FREM1: variants seen among roughly 807,000 people sequenced by gnomAD.
The protein encoded by FREM1 is FRAS1-related extracellular matrix protein 1.
In FREM1, 220 loss-of-function variants were observed where a neutral mutation model predicts 210.1. That is an observed-to-expected ratio of 1.05 (90% CI 0.94 to 1.17). The LOEUF (loss-of-function observed/expected upper bound fraction) is 1.17, where lower values mean the gene tolerates loss of function less well. Ranked by LOEUF, FREM1 falls within the 50% of genes most tolerant of loss-of-function variation. FREM1 has a pLI of 0.00. For synonymous variants in FREM1, 1,189 were observed against 980.2 expected (o/e 1.21, Z -3.98); for missense variants, 3,454 against 2,675.5 (o/e 1.29, Z -6.42).
rs1215948597 is a variant in FREM1, at chr9:14,846,069, C to T, written c.1284G>A (p.Gln428=). 6.3e-7 allele frequency: 1 copy of T among 1,588,122 alleles called. No homozygotes were observed. The highest frequency in any genetic ancestry group is 1.3e-5 in the African/African-American group (1 of 74,386). The change falls in exon 8 of 37, where the codon CAG becomes CAA. Residue 428 remains glutamine (Q), a synonymous_variant. Transcript: ENST00000380880. ...WNTGLSLLEG[Q]SRAITWEQFQ... is the part of the protein sequence containing the mutation. ...ACTGTTCCCAAGTGATGGCTCGAGA[C>T]TGCCCCTCAAGGAGACTCAGACCTA...
intron 21 of FREM1, 24 bp from the exon 22 acceptor site, chr9:14,792,908 T>A: frequency 9.2e-6 from 14 of 1,515,778 alleles, no homozygotes; most frequent in Non-Finnish European, 1.2e-5. Context: ...AATGTCTGGG[T>A]TGATATAAAA....
intron 1 of FREM1, among the ~76,000 whole-genome samples, chr9:14,905,454 T>C (rs1459747648): frequency 6.6e-6 from 1 of 152,214 alleles, no homozygotes. Context: ...CATCTCCTTA[T>C]GCATTTATCT....
chr9:14,792,852 G>C lies in FREM1; in HGVS notation c.3872C>G (p.Thr1291Ser), dbSNP rs574640129. Reference protein sequence around the residue: ...KAEIAMNMGETRIISSAILSA... With the variant: ...KAEIAMNMGESRIISSAILSA... ...AAGAATAGCACTGGAAATAATACGA[G>C]TTTCACCCATATTCATTGCAATTTC... The change falls in exon 22 of 37, where the codon ACT (threonine) becomes AGT (serine). Residue 1291 changes from threonine (T) to serine (S), a missense_variant. Transcript: ENST00000380880. 17 of 1,593,480 alleles carry C rather than the reference G, an allele frequency of 1.1e-5. No individual in the cohort carries two copies. The highest frequency in any genetic ancestry group is 1.7e-4 in the Middle Eastern group (1 of 6,038).
chr9:14,748,429 T>C lies in FREM1; in HGVS notation c.5768A>G (p.Lys1923Arg). The C allele has an allele frequency of 6.2e-7, 1 of 1,613,048 alleles. No homozygotes were observed. ...TTTGCCATTCCCACGGGTCCTAAGC[T>C]TCCTTTGAGAAAGATCTGTAGAATC... is the stretch of plus-strand genomic sequence containing the variant. ...GFDSTDLSQRKLRTRGNGKTV... is the reference protein window; with the variant it reads ...GFDSTDLSQRRLRTRGNGKTV... The change falls in exon 31 of 37, where the codon AAG (lysine) becomes AGG (arginine). Residue 1923 changes from lysine (K) to arginine (R), a missense_variant. By Grantham distance (26) the Lys-to-Arg change is conservative (BLOSUM62 2). Coordinates refer to ENST00000380880, the MANE Select transcript of FREM1 (RefSeq NM_001379081.2).
At chr9:14,802,873 A>G (rs1364653954) in intron 19 of FREM1, among the ~76,000 whole-genome samples, 1 of 152,194 alleles carries the variant, frequency 6.6e-6, no homozygotes, top group Admixed American at 6.5e-5. Context: ...GATATTCATA[A>G]ACAAGAATCA....
intron 34 of FREM1, 76 bp from the exon 35 acceptor site, chr9:14,746,544 G>A (rs1043251176): frequency 2.3e-5 from 26 of 1,118,932 alleles, no homozygotes; most frequent in African/African-American, 9.2e-5. Flanking sequence ...GGAGTCCTAC[G>A]AGTTCCCTAA....
intron 24 of FREM1, among the ~76,000 whole-genome samples, chr9:14,776,625 A>T (rs1344389110): frequency 6.6e-6 from 1 of 152,236 alleles, no homozygotes; most frequent in Non-Finnish European, 1.5e-5. Context: ...GTAATAGACT[A>T]AAGTTGTAAG....
intron 29 of FREM1, among the ~76,000 whole-genome samples, chr9:14,750,695 A>T (rs1843198302): frequency 6.6e-6 from 1 of 152,206 alleles, no homozygotes; most frequent in Non-Finnish European, 1.5e-5. Context: ...ACTTCATGCT[A>T]TTCATGGAAC....
intron 1 of FREM1, among the ~76,000 whole-genome samples, chr9:14,898,568 C>T (rs1395742537): frequency 6.6e-6 from 1 of 152,112 alleles, no homozygotes; most frequent in African/African-American, 2.4e-5. Context: ...ATGGCGAAAC[C>T]TCGTCACTAC....
In FREM1 at chr9:14,784,255, T is replaced by C. The variant is rs144212914; in HGVS notation, c.4442+115A>G. Reference sequence around the variant, plus strand: ...TAAATTTAAGGTATACAGCGTGATGTTATAAGATACATGTATTTTGTGAAA... The same window carrying C: ...TAAATTTAAGGTATACAGCGTGATGCTATAAGATACATGTATTTTGTGAAA... On this transcript the variant is annotated intron_variant, in intron 24 of 36. Transcript: ENST00000380880. The C allele has an allele frequency of 8.5e-4, 809 of 954,122 alleles. 4 individuals carry two copies. The African/African-American group carries it at 0.012, about 14-fold the overall frequency. The allele number at this position is 954,122 out of a possible 1,614,324, so 59.1% of individuals were successfully genotyped here.
chr9:14,789,688 A>G (rs1850979521), intron 22 of FREM1, among the ~76,000 whole-genome samples: 1 of 152,226 alleles, frequency 6.6e-6, no homozygotes, highest in African/African-American at 2.4e-5. Context: ...TAAGTCATCA[A>G]AAAATATAAA....
At chr9:14,763,289 T>A (rs548551287) in intron 27 of FREM1, among the ~76,000 whole-genome samples, 6 of 152,136 alleles carry the variant, frequency 3.9e-5, no homozygotes, top group Non-Finnish European at 7.3e-5. Flanking sequence ...ACCACTTCCC[T>A]CCAGTCACGA....
rs1233257888 is a variant in FREM1 at position 14,869,042 on chromosome 9, G to A, written c.-65C>T. On this transcript the variant is annotated 5_prime_UTR_variant, in exon 2 of 37. Transcript: ENST00000380880. ...CCCTTTAACAAAGGAGGGCTTCTGT[G>A]CTTCCTCCTGGAGGGTCAGCTCATA... 6.0e-6 allele frequency: 7 copies of A among 1,159,922 alleles called. No homozygotes were observed. The highest frequency in any genetic ancestry group is 8.4e-6 in the Non-Finnish European group (7 of 830,288). The allele number at this position is 1,159,922 out of a possible 1,614,324, so 71.9% of individuals were successfully genotyped here.
At chr9:14,799,036 T>G (rs1024110529) in intron 20 of FREM1, among the ~76,000 whole-genome samples, 3 of 152,004 alleles carry the variant, frequency 2.0e-5, no homozygotes, top group African/African-American at 7.2e-5. Flanking sequence ...ACCAGCACTT[T>G]GGAAGGCGAG....
At chr9:14,855,123 G>C (rs1034288296) in intron 5 of FREM1, among the ~76,000 whole-genome samples, 1 of 151,940 alleles carries the variant, frequency 6.6e-6, no homozygotes, top group Non-Finnish European at 1.5e-5. Flanking sequence ...ATTTTGAAGA[G>C]AAGTGATAAG....
intron 1 of FREM1, among the ~76,000 whole-genome samples, chr9:14,894,243 T>C (rs1329691809): frequency 6.6e-6 from 1 of 152,264 alleles, no homozygotes; most frequent in Non-Finnish European, 1.5e-5. Flanking sequence ...AAAATTCCTA[T>C]AATTCTAATA....
intron 2 of FREM1, among the ~76,000 whole-genome samples, chr9:14,866,026 C>T (rs1444154596): frequency 6.6e-6 from 1 of 152,180 alleles, no homozygotes; most frequent in Non-Finnish European, 1.5e-5. Flanking sequence ...ACTTTAGAGG[C>T]TATAAATCCA....
At chr9:14,826,453 T>A (rs1030648466) in intron 10 of FREM1, among the ~76,000 whole-genome samples, 1 of 152,226 alleles carries the variant, frequency 6.6e-6, no homozygotes, top group African/African-American at 2.4e-5. Flanking sequence ...CACAATGGAC[T>A]GACCATGTAC....
At position 14,868,888 on chromosome 9, in the gene FREM1, G is replaced by A. The variant is rs748048635; in HGVS notation, c.90C>T (p.Arg30=). Reference sequence around the variant, plus strand: ...AGTGGCCCTTCATCACCCTCACCCCGCGGTTGATGCTGATGAAGGTGGGGC... The same window carrying A: ...AGTGGCCCTTCATCACCCTCACCCCACGGTTGATGCTGATGAAGGTGGGGC... The part of the protein sequence containing the change: ...WASPTFISIN[R]GVRVMKGHSA... The change falls in exon 2 of 37, where the codon CGC becomes CGT. Residue 30 remains arginine, a synonymous_variant. Transcript: ENST00000380880. 28 of 1,606,424 alleles carry A rather than the reference G, an allele frequency of 1.7e-5. No individual in the cohort carries two copies. The highest frequency in any genetic ancestry group is 2.2e-5 in the Non-Finnish European group (26 of 1,176,590).
Sources: gnomAD v4.1 joint callset for allele counts (sites outside exome capture counted in the v4.1 genomes callset) on GRCh38, gnomAD v4.1.1 for gene constraint, MANE v1.5 for transcripts, NCBI Gene and HGNC (gene_info 2026-07-23, HGNC 2026-07-21) for gene names.